TTLL1: variants seen among roughly 807,000 people sequenced by gnomAD.
TTLL1 encodes TTL family tubulin polyglutamylase complex subunit L1.
A neutral mutation model predicts 47.8 loss-of-function variants in TTLL1; 33 were observed. That is an observed-to-expected ratio of 0.69 (90% CI 0.52 to 0.92). TTLL1 has a LOEUF of 0.92. TTLL1 is among the 40% of genes least tolerant of loss of function. The probability of loss-of-function intolerance (pLI) is 0.00; values close to 1 mark genes in which losing one functional copy is unlikely to be tolerated. For missense variants in TTLL1, 488 were observed against 547.5 expected, an observed-to-expected ratio of 0.89 and a Z score of 1.08; for synonymous variants, 225 against 214.1, an observed-to-expected ratio of 1.05 and a Z score of -0.45.
chr22:43,052,211 C>A, intron 8 of TTLL1: 1 of 373,960 alleles, frequency 2.7e-6, no homozygotes, highest in Non-Finnish European at 5.2e-6. Context: ...AGCTCCAAGC[C>A]CAGAACCTGC....
In TTLL1 at chr22:43,047,140, A is replaced by G. The variant is rs140617069; in HGVS notation, c.979-567T>C. ...TCGCACAAACATTTTGGGCCAGTGT[A>G]TATCACAAACGTTATCAGTGCCTAC... On this transcript the variant is annotated intron_variant, in intron 9 of 10. Coordinates refer to ENST00000266254, the MANE Select transcript of TTLL1 (RefSeq NM_012263.5). 1.9e-3 allele frequency among the ~76,000 whole-genome samples: 286 copies of G among 152,322 alleles called. 2 individuals carry two copies. The highest frequency in any genetic ancestry group is 6.4e-3 in the African/African-American group (265 of 41,576).
intron 5 of TTLL1, among the ~76,000 whole-genome samples, chr22:43,065,923 A>C (rs1169822336): frequency 6.6e-6 from 1 of 151,874 alleles, no homozygotes; most frequent in East Asian, 1.9e-4. Flanking sequence ...CACTTTGGGA[A>C]GCCGAGGCAG....
intron 8 of TTLL1, among the ~76,000 whole-genome samples, chr22:43,058,437 A>T: frequency 6.6e-6 from 1 of 152,260 alleles, no homozygotes; most frequent in East Asian, 1.9e-4. Flanking sequence ...TCTATGAAAT[A>T]CTAAAGTCAG....
chr22:43,050,209 A>G (rs779319789), intron 9 of TTLL1, among the ~76,000 whole-genome samples: 6 of 152,066 alleles, frequency 3.9e-5, no homozygotes, highest in Non-Finnish European at 7.4e-5. Flanking sequence ...CGAGGTCAGG[A>G]GTTTGAGACC....
Position 43,055,646 on chromosome 22 carries a change from T to A in TTLL1, c.891+3738A>T, listed in dbSNP as rs79024998. On this transcript the variant is annotated intron_variant, in intron 8 of 10. Coordinates refer to ENST00000266254, the MANE Select transcript of TTLL1 (RefSeq NM_012263.5). ...ACATTCGGCTAATTAAAAATAATTT[T>A]TTTTTTTTGTAGAGACAGCATCTTG... Among the ~76,000 whole-genome samples the A allele has an allele frequency of 8.5e-3, 1,289 of 151,774 alleles. 18 individuals carry two copies. The highest frequency in any genetic ancestry group is 0.029 in the African/African-American group (1,217 of 41,378).
chr22:43,085,390 T>C (rs966721935), intron 1 of TTLL1, among the ~76,000 whole-genome samples: 32 of 152,352 alleles, frequency 2.1e-4, no homozygotes, highest in Middle Eastern at 3.4e-3. Context: ...GCAGATGATA[T>C]GATTTGTCTG....
intron 1 of TTLL1, among the ~76,000 whole-genome samples, 157 bp downstream of exon 1, chr22:43,089,120 C>T (rs1023403358): frequency 6.6e-6 from 1 of 152,182 alleles, no homozygotes; most frequent in Admixed American, 6.5e-5. Context: ...CGCGGGCTTC[C>T]TGGAGGACGC....
intron 4 of TTLL1, among the ~76,000 whole-genome samples, chr22:43,069,346 C>A (rs890179159): frequency 1.3e-5 from 2 of 149,128 alleles, no homozygotes; most frequent in African/African-American, 5.0e-5. Flanking sequence ...GAGCTGAGAT[C>A]GCGCCACTAC....
intron 1 of TTLL1, 87 bp downstream of exon 1, chr22:43,089,190 A>T (rs1021737047): frequency 6.6e-6 from 1 of 151,814 alleles, no homozygotes; most frequent in Non-Finnish European, 1.5e-5. Flanking sequence ...TGGCGCCCAC[A>T]CTCTCTCACC....
rs569307368 is a variant in TTLL1 at position 43,064,489 on chromosome 22, G to T, written c.504-165C>A. On this transcript the variant is annotated intron_variant, in intron 5 of 10. Transcript: ENST00000266254. ...GCCTGTAATCCCAGCACTTTGGGAG[G>T]CGAGGCGGGTGGATCACTTCAGGTC... Among the ~76,000 whole-genome samples, 3 of 151,532 alleles carry T rather than the reference G, an allele frequency of 2.0e-5. No individual in the cohort carries two copies. In the South Asian group the frequency reaches 6.3e-4, roughly 32 times the overall value.
chr22:43,074,797 T>C (rs1332326133), intron 3 of TTLL1, among the ~76,000 whole-genome samples: 1 of 152,162 alleles, frequency 6.6e-6, no homozygotes, highest in Non-Finnish European at 1.5e-5. Context: ...CCCAGCACTT[T>C]GGGAGGCCGA....
chr22:43,075,344 A>C lies in TTLL1; in HGVS notation c.113+130T>G. The C allele has an allele frequency of 3.9e-6, 3 of 774,164 alleles. No individual in the cohort carries two copies. In the South Asian group the frequency reaches 5.0e-5, roughly 13 times the overall value. 48.0% of individuals were successfully genotyped at this position (774,164 alleles called of 1,614,324 possible). ...ACTCTCACAAAAAACCTTAAGGAAA[A>C]ATGTGTGCGGGGAGATGGCACAATG... is the stretch of plus-strand genomic sequence containing the variant. On this transcript the variant is annotated intron_variant, in intron 3 of 10. Coordinates refer to ENST00000266254, the MANE Select transcript of TTLL1 (RefSeq NM_012263.5).
At chr22:43,075,231 A>G (rs1928405440) in intron 3 of TTLL1, among the ~76,000 whole-genome samples, 1 of 152,140 alleles carries the variant, frequency 6.6e-6, no homozygotes. Flanking sequence ...TTTCTCACCC[A>G]AACTCCCCAC....
At chr22:43,074,078 C>T (rs1928316438) in intron 3 of TTLL1, among the ~76,000 whole-genome samples, 1 of 151,806 alleles carries the variant, frequency 6.6e-6, no homozygotes, top group South Asian at 2.1e-4. Flanking sequence ...CCGGCCTTGG[C>T]CTCCCACAGT....
rs749610994 is a variant in TTLL1, at chr22:43,064,300, T to C, written c.528A>G (p.Glu176=). 15 of 1,612,618 alleles carry C rather than the reference T, an allele frequency of 9.3e-6. 1 individual carries two copies. The South Asian group carries it at 1.1e-4, about 12-fold the overall frequency. The change falls in exon 6 of 11, where the codon GAA becomes GAG. Residue 176 remains glutamate (E), a synonymous_variant. Coordinates refer to ENST00000266254, the MANE Select transcript of TTLL1 (RefSeq NM_012263.5). Reference sequence around the variant, plus strand: ...TAATATAGAGAGAGATCACGTAGGCTTCCTTATTAGATTGAGACACAAACC... The same window carrying C: ...TAATATAGAGAGAGATCACGTAGGCCTCCTTATTAGATTGAGACACAAACC... ...TSSFVSQSNK[E]AYVISLYINN...
At chr22:43,052,701 G>A (rs1473475024) in intron 8 of TTLL1, among the ~76,000 whole-genome samples, 3 of 151,944 alleles carry the variant, frequency 2.0e-5, no homozygotes, top group Admixed American at 6.6e-5. Context: ...AGCCATGATC[G>A]TGCCACTGCA....
intron 9 of TTLL1, 44 bp from the exon 10 acceptor site, chr22:43,046,617 C>A: frequency 6.3e-7 from 1 of 1,599,810 alleles, no homozygotes; most frequent in South Asian, 1.1e-5. Flanking sequence ...GTCTCTCGCT[C>A]TTTTGGAATG....
chr22:43,078,259 G>T (rs1318503199), intron 2 of TTLL1, among the ~76,000 whole-genome samples: 1 of 152,070 alleles, frequency 6.6e-6, no homozygotes, highest in Non-Finnish European at 1.5e-5. Context: ...ACTTTGGGAG[G>T]CTGAGGTGGG....
chr22:43,053,328 C>T (rs1178198044), intron 8 of TTLL1, among the ~76,000 whole-genome samples: 4 of 152,220 alleles, frequency 2.6e-5, no homozygotes, highest in Non-Finnish European at 5.9e-5. Flanking sequence ...CCTGGACCAC[C>T]CTCCTCACTC....
Sources: gnomAD v4.1 joint callset for allele counts (sites outside exome capture counted in the v4.1 genomes callset) on GRCh38, gnomAD v4.1.1 for gene constraint, MANE v1.5 for transcripts, NCBI Gene and HGNC (gene_info 2026-07-23, HGNC 2026-07-21) for gene names.